Variants in NDST4 observed in about 807,000 individuals in gnomAD.
NDST4 encodes the protein N-heparan sulfate sulfotransferase 4.
A neutral mutation model predicts 100.8 loss-of-function variants in NDST4; 63 were observed. The ratio of observed to expected loss-of-function variants is 0.62; its 90% CI spans 0.51 to 0.77. The LOEUF (loss-of-function observed/expected upper bound fraction) is 0.77, where lower values mean the gene tolerates loss of function less well. Among genes scored for constraint, NDST4 ranks in the 30% least tolerant of loss-of-function variants. NDST4 has a pLI of 0.00. For synonymous variants in NDST4, 377 were observed against 361.8 expected (o/e 1.04, Z -0.48); for missense variants, 943 against 1,018.4 (o/e 0.93, Z 1.01).
At chr4:114,964,624 A>G (rs1000432743) in intron 4 of NDST4, among the ~76,000 whole-genome samples, 8 of 152,180 alleles carry the variant, frequency 5.3e-5, no homozygotes, top group African/African-American at 1.9e-4. Context: ...AATTAACATG[A>G]TATCTACCTT....
chr4:114,911,335 AACAGGAGC>A (rs1725057773), intron 6 of NDST4, among the ~76,000 whole-genome samples: 1 of 152,178 alleles, frequency 6.6e-6, no homozygotes, highest in Non-Finnish European at 1.5e-5. Flanking sequence ...TACTCTTTGT[AACAGGAGC>A]ACTCTTCTTT....
chr4:115,064,046 G>T (rs1419961260), intron 2 of NDST4, among the ~76,000 whole-genome samples: 1 of 151,862 alleles, frequency 6.6e-6, no homozygotes, highest in Non-Finnish European at 1.5e-5. Context: ...TTACTATGTA[G>T]CTTGTTTTGA....
chr4:115,060,334 G>C (rs1338185425), intron 2 of NDST4, among the ~76,000 whole-genome samples: 1 of 151,874 alleles, frequency 6.6e-6, no homozygotes, highest in Non-Finnish European at 1.5e-5. Context: ...TCTATTTACT[G>C]TAGATTTCTA....
chr4:114,915,212 C>T (rs2126216631), intron 6 of NDST4, among the ~76,000 whole-genome samples: 1 of 152,128 alleles, frequency 6.6e-6, no homozygotes, highest in African/African-American at 2.4e-5. Context: ...TGTTCTGTGG[C>T]CTCTCTGGTC....
intron 2 of NDST4, among the ~76,000 whole-genome samples, chr4:115,044,429 A>G (rs551887177): frequency 6.6e-6 from 1 of 152,272 alleles, no homozygotes; most frequent in East Asian, 1.9e-4. Context: ...TTAGGGCACA[A>G]GCCCATGTTA....
At chr4:114,861,657 T>C (rs1011762955) in intron 7 of NDST4, among the ~76,000 whole-genome samples, 3 of 152,120 alleles carry the variant, frequency 2.0e-5, no homozygotes, top group Admixed American at 6.6e-5. Context: ...AGTTACTTTG[T>C]AGAGAAATAG....
chr4:114,903,363 A>T (rs553009911), intron 6 of NDST4, among the ~76,000 whole-genome samples: 2 of 152,124 alleles, frequency 1.3e-5, no homozygotes, highest in Admixed American at 1.3e-4. Flanking sequence ...CACTGTAAAA[A>T]CCTGGTCAAG....
chr4:115,020,725 C>CA (rs199547851), intron 2 of NDST4, among the ~76,000 whole-genome samples: 4,438 of 151,748 alleles, frequency 0.029, 227 homozygotes, highest in African/African-American at 0.1. Context: ...AAGAAAAAAA[C>CA]AAAAAATCCC....
At chr4:114,914,890 G>A (rs4557280) in intron 6 of NDST4, among the ~76,000 whole-genome samples, 45,801 of 151,850 alleles carry the variant, frequency 0.3, 9,267 homozygotes, top group African/African-American at 0.58. Flanking sequence ...CGCCAGGCAG[G>A]GAATAGGTAA....
chr4:114,975,209 T>C (rs1482285951), intron 3 of NDST4, among the ~76,000 whole-genome samples: 1 of 152,132 alleles, frequency 6.6e-6, no homozygotes, highest in Admixed American at 6.6e-5. Context: ...ATAATTATGA[T>C]GGCACTCTTG....
chr4:115,064,383 C>A (rs1560586244), intron 2 of NDST4, among the ~76,000 whole-genome samples: 1 of 151,970 alleles, frequency 6.6e-6, no homozygotes, highest in Non-Finnish European at 1.5e-5. Flanking sequence ...TCCTTGTTGT[C>A]TTGACACTTA....
intron 9 of NDST4, among the ~76,000 whole-genome samples, chr4:114,847,374 T>G: frequency 3.0e-5 from 1 of 33,850 alleles, no homozygotes; most frequent in African/African-American, 8.9e-5. Flanking sequence ...AGACTCCGTC[T>G]CAAAAAAAAA....
chr4:115,023,485 CAA>C (rs61136345), intron 2 of NDST4, among the ~76,000 whole-genome samples: 1,927 of 89,560 alleles, frequency 0.022, 30 homozygotes, highest in East Asian at 0.12. Flanking sequence ...AATTCCATCT[CAA>C]AAAAAAAAAA....
At position 114,975,049 on chromosome 4, in the gene NDST4, ATTG is replaced by A. The variant is rs557620190; in HGVS notation, c.1066+2135_1066+2137del. Among the ~76,000 whole-genome samples the A allele has an allele frequency of 4.9e-3, 744 of 152,186 alleles. 12 individuals carry two copies. Among genetic ancestry groups the A allele is most frequent in the African/African-American group, 0.017 (704 of 41,554 alleles). On this transcript the variant is annotated intron_variant, in intron 3 of 13. Transcript: ENST00000264363. ...AAGGAATGCACCTCCTTGATTTGCA[ATTG>A]TTTTTTCTAAAATGTGAAATCTCCG...
At chr4:115,065,981 C>T (rs904329575) in intron 2 of NDST4, among the ~76,000 whole-genome samples, 1 of 152,142 alleles carries the variant, frequency 6.6e-6, no homozygotes, top group African/African-American at 2.4e-5. Flanking sequence ...GTCCAGTGAT[C>T]GCAGAAGACT....
chr4:114,886,801 T>C (rs1724488711), intron 6 of NDST4, among the ~76,000 whole-genome samples: 1 of 152,166 alleles, frequency 6.6e-6, no homozygotes, highest in African/African-American at 2.4e-5. Flanking sequence ...GCTGGGTTAT[T>C]CTGGTCTCCT....
chr4:115,099,492 T>C (rs1452408849), intron 1 of NDST4, among the ~76,000 whole-genome samples: 1 of 151,862 alleles, frequency 6.6e-6, no homozygotes, highest in Non-Finnish European at 1.5e-5. Context: ...AATTCAAAAA[T>C]GGGAAATAAA....
intron 2 of NDST4, among the ~76,000 whole-genome samples, chr4:115,073,166 A>G (rs905826256): frequency 1.3e-5 from 2 of 152,048 alleles, no homozygotes; most frequent in Non-Finnish European, 2.9e-5. Flanking sequence ...ACAAAAGATA[A>G]TAAGTGTTGG....
At chr4:114,853,300 C>T (rs10016617) in intron 7 of NDST4, among the ~76,000 whole-genome samples, 3,325 of 152,198 alleles carry the variant, frequency 0.022, 122 homozygotes, top group African/African-American at 0.075. Context: ...TTGGCCACAT[C>T]TTATAAGCTG....
Sources: gnomAD v4.1 joint callset for allele counts (sites outside exome capture counted in the v4.1 genomes callset) on GRCh38, gnomAD v4.1.1 for gene constraint, MANE v1.5 for transcripts, NCBI Gene and HGNC (gene_info 2026-07-23, HGNC 2026-07-21) for gene names.